Variants in GAREM2 observed in about 807,000 individuals in gnomAD.
The protein encoded by GAREM2 is GRB2 associated regulator of MAPK1 subtype 2.
A neutral mutation model predicts 55.6 loss-of-function variants in GAREM2; 30 were observed. The observed-to-expected ratio is 0.54, with a 90% confidence interval of 0.40 to 0.73. The LOEUF is 0.73. Among genes scored for constraint, GAREM2 ranks in the 30% least tolerant of loss-of-function variants. GAREM2 has a pLI of 0.00. For missense variants in GAREM2, 1,075 were observed against 1,257.7 expected (o/e 0.85, Z 2.20); for synonymous variants, 550 against 569.1 (o/e 0.97, Z 0.48).
chr2:26,191,401 T>TTC (rs767103938), downstream of GAREM2: 23 of 1,614,104 alleles, frequency 1.4e-5, no homozygotes, highest in Non-Finnish European at 1.9e-5. Context: ...AGGCCCTGAA[T>TTC]AGAGAAAGAG....
downstream of GAREM2, chr2:26,190,846 C>T (rs192162740): frequency 3.1e-5 from 9 of 287,892 alleles, no homozygotes; most frequent in Admixed American, 1.4e-4. Flanking sequence ...TTGAAGGAGG[C>T]GTTTAAACCA....
chr2:26,190,195 T>G (rs565199575), downstream of GAREM2, among the ~76,000 whole-genome samples: 1 of 152,292 alleles, frequency 6.6e-6, no homozygotes, highest in Non-Finnish European at 1.5e-5. Context: ...CAGGGACATA[T>G]TTGAAGTACA....
chr2:26,190,961 A>C, downstream of GAREM2: 1 of 524,140 alleles, frequency 1.9e-6, no homozygotes, highest in Non-Finnish European at 3.5e-6. Context: ...CTTGGGAGGA[A>C]CAGGCAGAGA....
In GAREM2 at chr2:26,179,555, C is replaced by T. The variant is rs975970952; in HGVS notation, c.253+3071C>T. 1.3e-5 allele frequency among the ~76,000 whole-genome samples: 2 copies of T among 152,036 alleles called. No individual in the cohort carries two copies. The highest frequency in any genetic ancestry group is 4.8e-5 in the African/African-American group (2 of 41,378). The stretch of plus-strand genomic sequence containing the variant: ...GGGCTGGAAGGGAGGAGCGAGGCAG[C>T]CATGTGCTCTGAGGGCAAGGACAAG... On this transcript the variant is annotated intron_variant, in intron 2 of 5. Coordinates refer to ENST00000401533, the MANE Select transcript of GAREM2 (RefSeq NM_001168241.2). This position sits in a 1 kb window ranked among gnomAD's most constrained non-coding sequence, Gnocchi z 4.7.
chr2:26,192,362 A>C (rs1452768870), downstream of GAREM2: 22 of 1,611,418 alleles, frequency 1.4e-5, no homozygotes, highest in Non-Finnish European at 1.9e-5. Flanking sequence ...TCCATGTCAG[A>C]ATTCAAATCC....
At chr2:26,174,266 C>T (rs145902825) in intron 1 of GAREM2, among the ~76,000 whole-genome samples, 1 of 152,308 alleles carries the variant, frequency 6.6e-6, no homozygotes, top group Non-Finnish European at 1.5e-5. Context: ...GTCCCGGGAG[C>T]AGGCTCATGG....
In GAREM2 at chr2:26,183,973, G is replaced by C. The variant is rs146221190; in HGVS notation, c.385-260G>C. ...GAAAAGAAAAATATGTCACTGCACAGTCTTTTTAATCCTACAGCAGTTCTT... is the reference window on the plus strand; with the variant it reads ...GAAAAGAAAAATATGTCACTGCACACTCTTTTTAATCCTACAGCAGTTCTT... On this transcript the variant is annotated intron_variant, in intron 3 of 5. Coordinates refer to ENST00000401533, the MANE Select transcript of GAREM2 (RefSeq NM_001168241.2). 8.0e-3 allele frequency among the ~76,000 whole-genome samples: 1,215 copies of C among 152,382 alleles called. 12 individuals carry two copies. Among genetic ancestry groups the C allele is most frequent in the Middle Eastern group, 0.024 (7 of 294 alleles).
chr2:26,184,804 C>G lies in GAREM2; in HGVS notation c.956C>G (p.Thr319Arg), dbSNP rs1669175623. The G allele has an allele frequency of 2.0e-6, 3 of 1,491,966 alleles. No individual in the cohort carries two copies. Among genetic ancestry groups the G allele is most frequent in the Non-Finnish European group, 2.7e-6 (3 of 1,128,694 alleles). 92.4% of individuals were successfully genotyped at this position (1,491,966 alleles called of 1,614,324 possible). ...GPAPLHFLLL[T>R]DTPRFALPQG... ...GCGCCGCTGCACTTCCTGCTGCTCACGGACACGCCGCGCTTCGCGCTGCCG... is the reference window on the plus strand; with the variant it reads ...GCGCCGCTGCACTTCCTGCTGCTCAGGGACACGCCGCGCTTCGCGCTGCCG... The change falls in exon 4 of 6, where the codon ACG (threonine) becomes AGG (arginine). Residue 319 changes from threonine (T) to arginine (R), a missense_variant. Physicochemically the swap from Thr to Arg is moderately conservative, Grantham distance 71 (BLOSUM62 -1). This residue lies in a region of GAREM2 where 170 missense variants were observed against 220.7 expected (regional missense o/e 0.77). Coordinates refer to ENST00000401533, the MANE Select transcript of GAREM2 (RefSeq NM_001168241.2).
At chr2:26,193,364 A>C (rs1023777711), downstream of GAREM2, among the ~76,000 whole-genome samples, 4 of 147,134 alleles carry the variant, frequency 2.7e-5, no homozygotes. Flanking sequence ...TCTGGGCTCA[A>C]GCGATCCTCC....
the GAREM2 span, among the ~76,000 whole-genome samples, chr2:26,199,530 A>G: frequency 1.3e-5 from 2 of 152,138 alleles, no homozygotes; most frequent in Non-Finnish European, 1.5e-5. Flanking sequence ...CTGGCTGGCA[A>G]ACATTCTTCC....
At chr2:26,193,691 C>T (rs764872153), downstream of GAREM2, 50 of 1,613,984 alleles carry the variant, frequency 3.1e-5, no homozygotes, top group Non-Finnish European at 3.9e-5. Flanking sequence ...TCCACACCAA[C>T]TTCATCCACC....
chr2:26,204,280 AAACC>A, the GAREM2 span: 1 of 1,188,302 alleles, frequency 8.4e-7, no homozygotes, highest in Admixed American at 1.7e-5. Context: ...GTTATTCAAT[AAACC>A]AACTAATGCA....
At chr2:26,177,487 C>T (rs1175165665) in intron 2 of GAREM2, among the ~76,000 whole-genome samples, 1 of 152,214 alleles carries the variant, frequency 6.6e-6, no homozygotes, top group African/African-American at 2.4e-5. Context: ...GTTTCAGTGG[C>T]TTGCCCAGTG....
At chr2:26,185,306 G>T (rs1458205808) in intron 4 of GAREM2, 30 bp downstream of exon 4, 2 of 1,483,126 alleles carry the variant, frequency 1.3e-6, no homozygotes. Context: ...GCCGAGTCCC[G>T]GGTCCAGCCA....
the GAREM2 span, chr2:26,203,976 A>T: frequency 7.3e-7 from 1 of 1,374,096 alleles, no homozygotes; most frequent in South Asian, 1.2e-5. Flanking sequence ...CAAACAAACA[A>T]AAAAACCCAC....
At chr2:26,174,823 G>T (rs1668809280) in intron 1 of GAREM2, among the ~76,000 whole-genome samples, 2 of 152,312 alleles carry the variant, frequency 1.3e-5, no homozygotes, top group East Asian at 3.9e-4. Flanking sequence ...TGGGTGACAA[G>T]CATCTGTCAC....
the GAREM2 span, among the ~76,000 whole-genome samples, chr2:26,200,494 T>G: frequency 1.3e-5 from 2 of 152,206 alleles, no homozygotes; most frequent in African/African-American, 4.8e-5. Flanking sequence ...CGAACTGTCT[T>G]CCCTATTTCC....
At chr2:26,192,264 T>C (rs1185888159), downstream of GAREM2, 2 of 979,692 alleles carry the variant, frequency 2.0e-6, no homozygotes, top group South Asian at 2.5e-5. Flanking sequence ...CTTTGGGCTG[T>C]CAGAGAAAGT....
chr2:26,182,235 T>C, intron 2 of GAREM2: 2 of 1,412,648 alleles, frequency 1.4e-6, no homozygotes, highest in Non-Finnish European at 1.8e-6. Context: ...CCTAGGGGCA[T>C]GTGCTGAGCT....
Sources: allele counts gnomAD v4.1 joint callset (sites outside exome capture counted in the v4.1 genomes callset), GRCh38; gene constraint gnomAD v4.1.1; regional missense constraint gnomAD v4.1.1; non-coding constraint Gnocchi (gnomAD v3.1); transcripts MANE v1.5; gene names NCBI Gene and HGNC (gene_info 2026-07-23, HGNC 2026-07-21).